The following RANBP2 variants were observed in gnomAD, a reference collection of about 807,000 sequenced individuals.
RANBP2 encodes the protein RAN binding protein 2.
RANBP2 carries 57 observed loss-of-function variants against 303.6 expected under a neutral mutation model. The observed-to-expected ratio is 0.19, with a 90% confidence interval of 0.15 to 0.23. RANBP2 has a LOEUF of 0.23. Ranked by LOEUF, RANBP2 falls within the 10% of genes least tolerant of loss-of-function variation. RANBP2 has a pLI of 1.00. For synonymous variants in RANBP2, 1,167 were observed against 1,301.5 expected, an observed-to-expected ratio of 0.90 and a Z score of 2.23; for missense variants, 3,138 against 3,780.8, an observed-to-expected ratio of 0.83 and a Z score of 4.46.
At chr2:109,204,194 CCTTTT>C in the RANBP2 span, among the ~76,000 whole-genome samples, 2 of 152,198 alleles carry the variant, frequency 1.3e-5, no homozygotes, top group Non-Finnish European at 2.9e-5. Flanking sequence ...TCTGCTCTTT[CCTTTT>C]ATCTGTCTGT....
the RANBP2 span, among the ~76,000 whole-genome samples, chr2:109,397,017 T>C: frequency 6.6e-6 from 1 of 152,212 alleles, no homozygotes. Context: ...GTGGCCTACC[T>C]GCAGTTTTCG....
chr2:109,014,475 A>C, the RANBP2 span, among the ~76,000 whole-genome samples: 1 of 152,200 alleles, frequency 6.6e-6, no homozygotes, highest in African/African-American at 2.4e-5. Flanking sequence ...TGTCTGGGTG[A>C]TGTTCAAAAA....
At chr2:109,045,275 C>T in the RANBP2 span, among the ~76,000 whole-genome samples, 1 of 152,204 alleles carries the variant, frequency 6.6e-6, no homozygotes, top group African/African-American at 2.4e-5. Context: ...TGGTGATGTT[C>T]AAGGTATGCT....
chr2:109,216,556 A>T, the RANBP2 span, among the ~76,000 whole-genome samples: 12 of 152,278 alleles, frequency 7.9e-5, 1 homozygote, highest in Admixed American at 6.5e-4. Context: ...TCAGCAGAGA[A>T]CACACAGCCC....
chr2:108,758,146 A>T (rs1676455920), intron 17 of RANBP2, among the ~76,000 whole-genome samples: 1 of 152,094 alleles, frequency 6.6e-6, no homozygotes, highest in South Asian at 2.1e-4. Context: ...TTACACAAAA[A>T]ATTAGCCAGG....
chr2:109,739,627 A>C, the RANBP2 span, among the ~76,000 whole-genome samples: 1 of 152,068 alleles, frequency 6.6e-6, no homozygotes, highest in African/African-American at 2.4e-5. Context: ...TTTTTGGTGG[A>C]GTCTTAAGGT....
chr2:108,796,349 T>C, the RANBP2 span, among the ~76,000 whole-genome samples: 75 of 152,216 alleles, frequency 4.9e-4, no homozygotes, highest in African/African-American at 1.6e-3. Flanking sequence ...CCACCGCGCC[T>C]GGCCAAATCA....
chr2:109,451,215 A>G, the RANBP2 span, among the ~76,000 whole-genome samples: 1 of 152,374 alleles, frequency 6.6e-6, no homozygotes, highest in Admixed American at 6.5e-5. Flanking sequence ...GAAGGGCAAC[A>G]GCTGCTCTGT....
At chr2:109,763,534 C>T in the RANBP2 span, among the ~76,000 whole-genome samples, 3 of 149,954 alleles carry the variant, frequency 2.0e-5, 1 homozygote. Flanking sequence ...AACAAAACCT[C>T]GATGGACTGG....
chr2:109,347,023 G>A, the RANBP2 span, among the ~76,000 whole-genome samples: 2 of 152,164 alleles, frequency 1.3e-5, no homozygotes, highest in South Asian at 4.1e-4. Flanking sequence ...ATCCTCGTGT[G>A]TGTACCGCTG....
At chr2:109,760,899 G>A in the RANBP2 span, among the ~76,000 whole-genome samples, 47 of 134,136 alleles carry the variant, frequency 3.5e-4, no homozygotes, top group Admixed American at 1.9e-3. Context: ...TGGGTCGGGG[G>A]CGCCTGCCTC....
At chr2:109,616,095 G>A in the RANBP2 span, 1 of 1,474,888 alleles carries the variant, frequency 6.8e-7, no homozygotes, top group African/African-American at 1.4e-5. Flanking sequence ...AAATGCAAAG[G>A]TTTATTTGTC....
chr2:109,172,219 C>T, the RANBP2 span, among the ~76,000 whole-genome samples: 1 of 152,222 alleles, frequency 6.6e-6, no homozygotes, highest in African/African-American at 2.4e-5. Context: ...GGCAGCCAGG[C>T]CTCTGAGCAC....
chr2:109,309,768 A>G, the RANBP2 span, among the ~76,000 whole-genome samples: 12 of 125,266 alleles, frequency 9.6e-5, 3 homozygotes, highest in African/African-American at 4.8e-4. Flanking sequence ...TGGTAAAGGG[A>G]TCAATTCAAC....
the RANBP2 span, among the ~76,000 whole-genome samples, chr2:108,932,977 C>T: frequency 6.6e-6 from 1 of 152,186 alleles, no homozygotes; most frequent in African/African-American, 2.4e-5. Context: ...CACATGCCCT[C>T]GCTCCCGTAG....
chr2:108,788,152 C>T, downstream of RANBP2: 1 of 1,541,704 alleles, frequency 6.5e-7, no homozygotes, highest in Non-Finnish European at 8.8e-7. Flanking sequence ...GGCGCGGTGG[C>T]TCACGCCTGT....
the RANBP2 span, among the ~76,000 whole-genome samples, chr2:109,391,742 C>T: frequency 5.9e-5 from 9 of 152,320 alleles, no homozygotes; most frequent in African/African-American, 9.6e-5. Flanking sequence ...GGGAACAGAA[C>T]GGCCACCAAC....
At chr2:109,393,313 C>T in the RANBP2 span, among the ~76,000 whole-genome samples, 2 of 152,210 alleles carry the variant, frequency 1.3e-5, no homozygotes, top group Admixed American at 1.3e-4. Context: ...GGAAGCCGAG[C>T]TTGCAAACAG....
At chr2:109,306,030 G>C in the RANBP2 span, among the ~76,000 whole-genome samples, 7 of 152,200 alleles carry the variant, frequency 4.6e-5, no homozygotes, top group Non-Finnish European at 1.0e-4. Flanking sequence ...GGAGTGATTC[G>C]CTGCCTTCTG....
Sources: gnomAD v4.1 joint callset for allele counts (sites outside exome capture counted in the v4.1 genomes callset) on GRCh38, gnomAD v4.1.1 for gene constraint, MANE v1.5 for transcripts, NCBI Gene and HGNC (gene_info 2026-07-23, HGNC 2026-07-21) for gene names.